FNBP1L: variants seen among roughly 807,000 people sequenced by gnomAD.
The protein encoded by FNBP1L is formin-binding protein 1-like.
A neutral mutation model predicts 91.2 loss-of-function variants in FNBP1L; 36 were observed. The observed-to-expected ratio is 0.39, with a 90% CI of 0.30 to 0.52. The LOEUF is 0.52. Among genes scored for constraint, FNBP1L ranks in the 20% least tolerant of loss-of-function variants. The probability of loss-of-function intolerance (pLI) is 0.66; values close to 1 mark genes in which losing one functional copy is unlikely to be tolerated. For missense variants in FNBP1L, 571 were observed against 732.1 expected, an observed-to-expected ratio of 0.78 and a Z score of 2.54; for synonymous variants, 242 against 237.0, an observed-to-expected ratio of 1.02 and a Z score of -0.19.
chr1:93,456,953 A>G (rs1023976505), intron 1 of FNBP1L, among the ~76,000 whole-genome samples: 1 of 152,168 alleles, frequency 6.6e-6, no homozygotes, highest in Admixed American at 6.5e-5. Context: ...CAGTGGTGCC[A>G]TCACAGCTTA....
At chr1:93,448,385 C>T (rs1668342507) in intron 1 of FNBP1L, 80 bp downstream of exon 1, 4 of 1,407,290 alleles carry the variant, frequency 2.8e-6, no homozygotes, top group African/African-American at 1.5e-5. Context: ...GGACCCTCGG[C>T]GGTGAAAGCG....
At chr1:93,465,735 G>A (rs1282374059) in intron 1 of FNBP1L, among the ~76,000 whole-genome samples, 2 of 152,078 alleles carry the variant, frequency 1.3e-5, no homozygotes, top group African/African-American at 2.4e-5. Context: ...GGGATGGCTG[G>A]GTCAAATGGT....
At chr1:93,547,098 GTAT>G (rs1672267174) in intron 13 of FNBP1L, 124 bp downstream of exon 13, 17 of 1,181,984 alleles carry the variant, frequency 1.4e-5, no homozygotes, top group Middle Eastern at 2.5e-4. Flanking sequence ...TGATCTAAAA[GTAT>G]TATTGTGATG....
At chr1:93,517,838 G>T (rs1194209139) in intron 2 of FNBP1L, among the ~76,000 whole-genome samples, 1 of 152,020 alleles carries the variant, frequency 6.6e-6, no homozygotes, top group African/African-American at 2.4e-5. Context: ...ACCATCTCTG[G>T]TGTTGGCATC....
At chr1:93,510,027 G>A (rs1670771390) in intron 2 of FNBP1L, among the ~76,000 whole-genome samples, 1 of 152,218 alleles carries the variant, frequency 6.6e-6, no homozygotes, top group Admixed American at 6.5e-5. Flanking sequence ...TGGCAGCCAG[G>A]CTGGGGGAGG....
chr1:93,470,200 A>T (rs1164030958), intron 1 of FNBP1L, among the ~76,000 whole-genome samples: 1 of 152,182 alleles, frequency 6.6e-6, no homozygotes, highest in African/African-American at 2.4e-5. Context: ...TGATGCTGTC[A>T]TAGCACAGTA....
At chr1:93,543,983 G>A in intron 11 of FNBP1L, 124 bp from the exon 12 acceptor site, 4 of 492,434 alleles carry the variant, frequency 8.1e-6, no homozygotes, top group South Asian at 6.1e-5. Flanking sequence ...TTTTTAAGGG[G>A]TTGCTTGAGG....
chr1:93,463,830 T>C (rs922793054), intron 1 of FNBP1L, among the ~76,000 whole-genome samples: 11 of 152,220 alleles, frequency 7.2e-5, no homozygotes, highest in Admixed American at 5.9e-4. Context: ...GTTTGTTTCA[T>C]ACATTTGTAA....
chr1:93,499,770 C>G (rs1450446657), intron 2 of FNBP1L, among the ~76,000 whole-genome samples, 187 bp downstream of exon 2: 3 of 152,060 alleles, frequency 2.0e-5, no homozygotes, highest in African/African-American at 4.8e-5. Flanking sequence ...GGAATATTGA[C>G]TAGCTGGATC....
chr1:93,498,906 A>G (rs1015846719), intron 1 of FNBP1L, among the ~76,000 whole-genome samples: 12 of 152,174 alleles, frequency 7.9e-5, no homozygotes, highest in Non-Finnish European at 7.3e-5. Flanking sequence ...CCAGTTTCAA[A>G]CATCTCGGAA....
intron 1 of FNBP1L, among the ~76,000 whole-genome samples, chr1:93,486,243 A>G (rs1252752831): frequency 6.6e-6 from 1 of 152,196 alleles, no homozygotes; most frequent in African/African-American, 2.4e-5. Context: ...GTTTGGTCTC[A>G]TATACCTTTA....
Position 93,509,706 on chromosome 1 carries a change from C to A in FNBP1L, c.140+10123C>A, listed in dbSNP as rs564225473. On this transcript the variant is annotated intron_variant, in intron 2 of 16. Transcript: ENST00000271234. Reference sequence around the variant, plus strand: ...GCATTTCCATCTGAGGTACCGGGTTCATCTCACTAGGGAGTGCCAGACAGT... The same window carrying A: ...GCATTTCCATCTGAGGTACCGGGTTAATCTCACTAGGGAGTGCCAGACAGT... 5.8e-4 allele frequency among the ~76,000 whole-genome samples: 89 copies of A among 152,360 alleles called. 1 individual carries two copies. The South Asian group carries it at 0.018, about 31-fold the overall frequency.
intron 2 of FNBP1L, among the ~76,000 whole-genome samples, chr1:93,520,808 T>C (rs371918364): frequency 6.6e-6 from 1 of 152,082 alleles, no homozygotes; most frequent in Non-Finnish European, 1.5e-5. Context: ...TTTGGGAGGC[T>C]GAGGCAGGTG....
intron 8 of FNBP1L, 80 bp downstream of exon 8, chr1:93,533,148 G>C (rs1006573196): frequency 5.6e-5 from 70 of 1,259,970 alleles, no homozygotes; most frequent in Non-Finnish European, 7.6e-5. Flanking sequence ...AGTTGAGAAA[G>C]GGATAAAGTA....
At chr1:93,509,228 G>A (rs188825196) in intron 2 of FNBP1L, among the ~76,000 whole-genome samples, 2 of 152,178 alleles carry the variant, frequency 1.3e-5, no homozygotes, top group Non-Finnish European at 2.9e-5. Flanking sequence ...ATCATGCAAA[G>A]TCAGCTACAA....
intron 2 of FNBP1L, among the ~76,000 whole-genome samples, chr1:93,500,653 G>T (rs1468773276): frequency 1.4e-4 from 21 of 149,638 alleles, no homozygotes; most frequent in Non-Finnish European, 1.5e-5. Flanking sequence ...TAATGATGGG[G>T]GAAGGATAGT....
intron 1 of FNBP1L, among the ~76,000 whole-genome samples, chr1:93,489,616 T>C (rs751042878): frequency 7.9e-4 from 121 of 152,210 alleles, no homozygotes; most frequent in Middle Eastern, 3.4e-3. Flanking sequence ...TTGAAGTCAC[T>C]ACAACCTTAA....
chr1:93,519,023 A>G (rs1478406657), intron 2 of FNBP1L, among the ~76,000 whole-genome samples: 2 of 152,230 alleles, frequency 1.3e-5, no homozygotes, highest in African/African-American at 4.8e-5. Context: ...TTTGCTAACC[A>G]TGACTCGTCC....
intron 9 of FNBP1L, 129 bp downstream of exon 9, chr1:93,535,037 C>A (rs376532621): frequency 1.5e-5 from 11 of 748,634 alleles, no homozygotes; most frequent in East Asian, 1.1e-4. Context: ...ATTCAGTTAA[C>A]CTTTCACTTA....
Sources: gnomAD v4.1 joint callset for allele counts (sites outside exome capture counted in the v4.1 genomes callset) on GRCh38, gnomAD v4.1.1 for gene constraint, MANE v1.5 for transcripts, NCBI Gene and HGNC (gene_info 2026-07-23, HGNC 2026-07-21) for gene names.